GAD2: variants seen among roughly 807,000 people sequenced by gnomAD.
GAD2 encodes the protein 65 kDa glutamic acid decarboxylase.
In GAD2, 22 loss-of-function variants were observed where a neutral mutation model predicts 80.1. The observed-to-expected ratio is 0.27, with a 90% CI of 0.20 to 0.39. The LOEUF is 0.39. Ranked by LOEUF, GAD2 falls within the 10% of genes least tolerant of loss-of-function variation. The pLI is 1.00. For missense variants in GAD2, 624 were observed against 738.4 expected, an observed-to-expected ratio of 0.85 and a Z score of 1.80; for synonymous variants, 274 against 256.9, an observed-to-expected ratio of 1.07 and a Z score of -0.64.
At chr10:26,297,367 C>G (rs1242437652) in intron 15 of GAD2, among the ~76,000 whole-genome samples, 1 of 152,192 alleles carries the variant, frequency 6.6e-6, no homozygotes, top group African/African-American at 2.4e-5. Context: ...AAGTTTATTT[C>G]ATAATGCTTT....
At chr10:26,255,824 A>T (rs1460855663) in intron 8 of GAD2, among the ~76,000 whole-genome samples, 1 of 152,010 alleles carries the variant, frequency 6.6e-6, no homozygotes, top group African/African-American at 2.4e-5. Context: ...CTCTGAAATT[A>T]TTTCAAATCC....
At chr10:26,289,896 G>T (rs540893362) in intron 13 of GAD2, among the ~76,000 whole-genome samples, 2 of 149,922 alleles carry the variant, frequency 1.3e-5, no homozygotes, top group Non-Finnish European at 2.9e-5. Flanking sequence ...AGGTTCAAGC[G>T]ATTCTCCTAC....
chr10:26,276,628 TC>T (rs1169769900), intron 11 of GAD2, among the ~76,000 whole-genome samples: 1 of 152,138 alleles, frequency 6.6e-6, no homozygotes, highest in East Asian at 1.9e-4. Flanking sequence ...CCTCAAGTGA[TC>T]CGCTCGCCTC....
At chr10:26,296,549 G>A (rs1454163355) in intron 15 of GAD2, among the ~76,000 whole-genome samples, 2 of 152,186 alleles carry the variant, frequency 1.3e-5, no homozygotes, top group Non-Finnish European at 2.9e-5. Context: ...CCCTGAGGCA[G>A]TGCAGATGAT....
chr10:26,243,062 G>T (rs1844763493), intron 7 of GAD2, among the ~76,000 whole-genome samples: 1 of 151,888 alleles, frequency 6.6e-6, no homozygotes, highest in African/African-American at 2.4e-5. Context: ...TTTTTTTGGT[G>T]GGGGAGGTCA....
intron 4 of GAD2, among the ~76,000 whole-genome samples, chr10:26,221,559 C>T (rs903809195): frequency 6.6e-5 from 10 of 152,186 alleles, no homozygotes; most frequent in Non-Finnish European, 1.5e-4. Flanking sequence ...GGGAATTAAG[C>T]GTCAGTAGAT....
At chr10:26,256,681 G>C (rs1223188075) in intron 8 of GAD2, among the ~76,000 whole-genome samples, 1 of 152,192 alleles carries the variant, frequency 6.6e-6, no homozygotes, top group African/African-American at 2.4e-5. Context: ...GGACTTTCAG[G>C]AGGTGAAGTT....
chr10:26,217,935 A>G lies in GAD2; in HGVS notation c.230A>G (p.Gln77Arg), dbSNP rs571663605. The change falls in exon 3 of 16, where the codon CAG becomes CGG. Residue 77 changes from glutamine (Q) to arginine (R), a missense_variant. Transcript: ENST00000376261. The surrounding 1 kb of genome is among the most constrained non-coding windows in gnomAD (Gnocchi z 4.9). ...CGGAAGGCCGCCTGCGCCTGCGACCAGAAGCCCTGCAGCTGCTCCAAAGTG... is the reference window on the plus strand; with the variant it reads ...CGGAAGGCCGCCTGCGCCTGCGACCGGAAGCCCTGCAGCTGCTCCAAAGTG... ...AARKAACACD[Q>R]KPCSCSKVDV... The G allele has an allele frequency of 2.5e-6, 4 of 1,611,870 alleles. No homozygotes were observed. Among genetic ancestry groups the G allele is most frequent in the South Asian group, 2.2e-5 (2 of 91,032 alleles).
chr10:26,241,399 A>G (rs928224258), intron 7 of GAD2, among the ~76,000 whole-genome samples: 1 of 152,134 alleles, frequency 6.6e-6, no homozygotes, highest in African/African-American at 2.4e-5. Flanking sequence ...AACTCATGCC[A>G]CACCCTCCTG....
intron 11 of GAD2, among the ~76,000 whole-genome samples, chr10:26,279,626 C>G (rs951913666): frequency 1.9e-4 from 29 of 152,298 alleles, no homozygotes; most frequent in African/African-American, 6.5e-4. Context: ...GACACAATTG[C>G]TGAATCCAGA....
chr10:26,219,216 C>A lies in GAD2; in HGVS notation c.460C>A (p.Gln154Lys), dbSNP rs764219976. 31 of 1,613,706 alleles carry A rather than the reference C, an allele frequency of 1.9e-5. 2 individuals are homozygous for A. The South Asian group carries it at 3.1e-4, about 16-fold the overall frequency. Residue 154 changes from glutamine to lysine, a missense_variant, in exon 4 of 16, where the codon CAA (glutamine) becomes AAA (lysine). Gln to Lys is a moderately conservative substitution (Grantham distance 53). Transcript: ENST00000376261. ...TAATTGGGAATTGGCAGACCAACCA[C>A]AAAATTTGGAGGAAATTTTGATGCA... Reference protein sequence around the residue: ...EYNWELADQPQNLEEILMHCQ... With the variant: ...EYNWELADQPKNLEEILMHCQ...
chr10:26,223,779 C>T, intron 4 of GAD2, 108 bp from the exon 5 acceptor site: 1 of 661,348 alleles, frequency 1.5e-6, no homozygotes, highest in South Asian at 2.1e-5. Context: ...TATGGATTTC[C>T]TGTTACTGAC....
intron 8 of GAD2, among the ~76,000 whole-genome samples, chr10:26,263,781 A>G (rs762703746): frequency 7.9e-5 from 12 of 152,224 alleles, no homozygotes; most frequent in Non-Finnish European, 1.2e-4. Flanking sequence ...AATATGTTTT[A>G]GGGTGAGGTT....
At position 26,265,205 on chromosome 10, in the gene GAD2, C is replaced by CTT. The variant is rs66464746; in HGVS notation, c.921-3897_921-3896dup. Among the ~76,000 whole-genome samples, 171 of 137,042 alleles carry CTT rather than the reference C, an allele frequency of 1.2e-3. 3 individuals are homozygous for CTT. The highest frequency in any genetic ancestry group is 4.4e-3 in the African/African-American group (163 of 37,294). 89.9% of individuals were successfully genotyped at this position (137,042 alleles called of 152,430 possible). On this transcript the variant is annotated intron_variant, in intron 8 of 15. Coordinates refer to ENST00000376261, the MANE Select transcript of GAD2 (RefSeq NM_001134366.2). ...TATCTGATCCTATAGCATCATACGA[C>CTT]TTTTTTTTTTTTTTTTTTAGACGGA... is the stretch of plus-strand genomic sequence containing the variant.
At chr10:26,271,525 C>G (rs530417623) in intron 10 of GAD2, among the ~76,000 whole-genome samples, 30 of 152,322 alleles carry the variant, frequency 2.0e-4, no homozygotes, top group African/African-American at 6.5e-4. Context: ...TCATCAGTCA[C>G]AAACCATCGC....
intron 7 of GAD2, among the ~76,000 whole-genome samples, chr10:26,243,377 C>T (rs148567475): frequency 8.5e-5 from 13 of 152,300 alleles, no homozygotes; most frequent in African/African-American, 2.9e-4. Context: ...AGTGGGCATT[C>T]GAAGAGAGAG....
chr10:26,218,592 C>T (rs866281698), intron 3 of GAD2, among the ~76,000 whole-genome samples: 8 of 151,318 alleles, frequency 5.3e-5, no homozygotes, highest in African/African-American at 2.0e-4. Context: ...CACACACTGA[C>T]TTTAGAAACA....
chr10:26,262,569 A>T (rs1454806454), intron 8 of GAD2, among the ~76,000 whole-genome samples: 1 of 152,042 alleles, frequency 6.6e-6, no homozygotes, highest in African/African-American at 2.4e-5. Context: ...ACTAAAAAAA[A>T]ATTCCTTGTT....
intron 15 of GAD2, among the ~76,000 whole-genome samples, chr10:26,295,409 G>A (rs767955229): frequency 7.9e-5 from 12 of 151,824 alleles, no homozygotes; most frequent in Non-Finnish European, 1.5e-4. Context: ...TTTTGTTCAC[G>A]TATGCCAATG....
Sources: gnomAD v4.1 joint callset for allele counts (sites outside exome capture counted in the v4.1 genomes callset) on GRCh38, gnomAD v4.1.1 for gene constraint, Gnocchi (gnomAD v3.1) non-coding constraint, MANE v1.5 for transcripts, NCBI Gene and HGNC (gene_info 2026-07-23, HGNC 2026-07-21) for gene names.